CEP63: variants seen among roughly 807,000 people sequenced by gnomAD.
CEP63 encodes centrosomal protein of 63 kDa.
Under a neutral mutation model 89.1 loss-of-function variants are expected in CEP63, and 84 were observed. The ratio of observed to expected loss-of-function variants is 0.94; its 90% CI spans 0.79 to 1.13. The LOEUF is 1.13. CEP63 is among the 50% of genes most tolerant of loss of function. The pLI is 0.00. For synonymous variants in CEP63, 267 were observed against 272.5 expected (o/e 0.98, Z 0.20); for missense variants, 838 against 813.3 (o/e 1.03, Z -0.37).
chr3:134,722,005 T>C, the CEP63 span, among the ~76,000 whole-genome samples: 525 of 152,268 alleles, frequency 3.4e-3, 5 homozygotes, highest in African/African-American at 0.012. Flanking sequence ...TTGGAAAGTG[T>C]TTCCGTCTCT....
At chr3:134,711,475 T>C in the CEP63 span, among the ~76,000 whole-genome samples, 1 of 152,150 alleles carries the variant, frequency 6.6e-6, no homozygotes, top group Non-Finnish European at 1.5e-5. Context: ...TTACAAGAGG[T>C]CCCTGTGCCC....
At chr3:134,507,387 GTTAGT>G (rs1256820586) in intron 3 of CEP63, 101 bp downstream of exon 3, 21 of 865,468 alleles carry the variant, frequency 2.4e-5, no homozygotes, top group Admixed American at 5.1e-5. Context: ...TGTATACCAA[GTTAGT>G]TTATTGTTTT....
chr3:134,779,131 T>C, the CEP63 span, among the ~76,000 whole-genome samples: 1 of 152,222 alleles, frequency 6.6e-6, no homozygotes, highest in Non-Finnish European at 1.5e-5. Flanking sequence ...ATTTTATCTA[T>C]TTTATGCTGG....
chr3:134,734,891 C>T, the CEP63 span, among the ~76,000 whole-genome samples: 1 of 152,150 alleles, frequency 6.6e-6, no homozygotes, highest in African/African-American at 2.4e-5. Flanking sequence ...ACAAGCTGGT[C>T]TCATCAACAT....
chr3:134,712,032 G>A, the CEP63 span, among the ~76,000 whole-genome samples: 2 of 152,132 alleles, frequency 1.3e-5, no homozygotes, highest in Admixed American at 1.3e-4. Context: ...GGGATTACAG[G>A]CGTGAGCCAC....
intron 3 of CEP63, among the ~76,000 whole-genome samples, chr3:134,531,437 G>A (rs1368293753): frequency 2.0e-5 from 3 of 152,048 alleles, no homozygotes; most frequent in Admixed American, 6.5e-5. Context: ...ATAAAAATTC[G>A]CCAGGTGTGG....
At chr3:134,554,980 A>G (rs1227065697) in intron 12 of CEP63, among the ~76,000 whole-genome samples, 2 of 152,194 alleles carry the variant, frequency 1.3e-5, no homozygotes, top group African/African-American at 2.4e-5. Context: ...GATTCTGGAT[A>G]TTAGCCCTTT....
At position 134,486,085 on chromosome 3, in the gene CEP63, T is replaced by C. The variant is rs1935171634; in HGVS notation, c.-143T>C. On this transcript the variant is annotated 5_prime_UTR_variant, in exon 1 of 15. Coordinates refer to ENST00000675561, the MANE Select transcript of CEP63 (RefSeq NM_001353108.3). Reference sequence around the variant, plus strand: ...CATTTGCTCGCGTGCAGGGGAAGTCTGGAGAAGGCATTGTTTCAATTATTA... The same window carrying C: ...CATTTGCTCGCGTGCAGGGGAAGTCCGGAGAAGGCATTGTTTCAATTATTA... 2 of 985,146 alleles carry C rather than the reference T, an allele frequency of 2.0e-6. No homozygotes were observed. The highest frequency in any genetic ancestry group is 4.7e-5 in the South Asian group (1 of 21,284). 61.0% of individuals were successfully genotyped at this position (985,146 alleles called of 1,614,324 possible). A position where few individuals can be genotyped will look rare whatever the true frequency, so the allele number is the denominator to read the frequency against.
the CEP63 span, among the ~76,000 whole-genome samples, chr3:134,762,658 G>A: frequency 6.6e-6 from 1 of 152,164 alleles, no homozygotes; most frequent in Admixed American, 6.5e-5. Flanking sequence ...AAGTCAAGGA[G>A]AGAGGCCTGA....
chr3:134,690,557 T>C, the CEP63 span, among the ~76,000 whole-genome samples: 8 of 152,174 alleles, frequency 5.3e-5, no homozygotes, highest in Non-Finnish European at 8.8e-5. Flanking sequence ...ATTCTTTAAC[T>C]GACTGGAGAT....
chr3:134,528,560 G>GTT (rs1286356444), intron 3 of CEP63, among the ~76,000 whole-genome samples: 1 of 104,152 alleles, frequency 9.6e-6, no homozygotes, highest in African/African-American at 3.2e-5. Context: ...AGGGGTGTGT[G>GTT]TGTGTGTGCG....
the CEP63 span, among the ~76,000 whole-genome samples, chr3:134,676,019 A>G: frequency 1.3e-5 from 2 of 152,196 alleles, no homozygotes; most frequent in Non-Finnish European, 2.9e-5. Context: ...CTACTCAGCA[A>G]TTCCACTCCT....
the CEP63 span, chr3:134,651,241 G>A: frequency 1.6e-6 from 2 of 1,240,246 alleles, no homozygotes; most frequent in African/African-American, 1.6e-5. Context: ...GCCATAGTCA[G>A]CAGGGGCGGC....
chr3:134,731,634 G>C, the CEP63 span, among the ~76,000 whole-genome samples: 1 of 152,260 alleles, frequency 6.6e-6, no homozygotes, highest in African/African-American at 2.4e-5. Context: ...TCCAAAATCA[G>C]TGATTTGAGA....
At chr3:134,604,263 C>T in the CEP63 span, 1 of 1,613,854 alleles carries the variant, frequency 6.2e-7, no homozygotes, top group Non-Finnish European at 8.5e-7. Flanking sequence ...CATAATTGCA[C>T]TTGAGCGTGT....
intron 6 of CEP63, among the ~76,000 whole-genome samples, chr3:134,543,594 G>T (rs974358247): frequency 6.6e-6 from 1 of 152,222 alleles, no homozygotes; most frequent in Non-Finnish European, 1.5e-5. Context: ...TAAGATCACA[G>T]ATTTGAGTTG....
chr3:134,529,890 T>TC (rs1345874153), intron 3 of CEP63, among the ~76,000 whole-genome samples: 6 of 150,400 alleles, frequency 4.0e-5, no homozygotes, highest in African/African-American at 1.5e-4. Context: ...TTTTTTTTTT[T>TC]TTAGACGGGG....
At chr3:134,726,941 G>A in the CEP63 span, among the ~76,000 whole-genome samples, 1 of 151,916 alleles carries the variant, frequency 6.6e-6, no homozygotes, top group African/African-American at 2.4e-5. Context: ...TTTTTTAAAA[G>A]CTACTTTTAA....
chr3:134,587,245 A>G (rs911487387), intron 10 of CEP63, among the ~76,000 whole-genome samples: 1 of 151,992 alleles, frequency 6.6e-6, no homozygotes, highest in Non-Finnish European at 1.5e-5. Flanking sequence ...GCTGGCGAGG[A>G]GCTCTGATCC....
Sources: gnomAD v4.1 joint callset for allele counts (sites outside exome capture counted in the v4.1 genomes callset) on GRCh38, gnomAD v4.1.1 for gene constraint, MANE v1.5 for transcripts, NCBI Gene and HGNC (gene_info 2026-07-23, HGNC 2026-07-21) for gene names.